PDIK1L: variants seen among roughly 807,000 people sequenced by gnomAD.
PDIK1L encodes serine/threonine-protein kinase PDIK1L.
In PDIK1L, 9 loss-of-function variants were observed where a neutral mutation model predicts 27.1. That is an observed-to-expected ratio of 0.33 (90% confidence interval 0.20 to 0.58). The LOEUF is 0.58. Ranked by LOEUF, PDIK1L falls within the 20% of genes least tolerant of loss-of-function variation. The pLI is 0.86. For synonymous variants in PDIK1L, 130 were observed against 141.7 expected (o/e 0.92, Z 0.59); for missense variants, 216 against 413.2 (o/e 0.52, Z 4.14).
chr1:26,114,266 A>T lies in PDIK1L; in HGVS notation c.-17-26A>T. The T allele has an allele frequency of 6.3e-7, 1 of 1,576,230 alleles. No individual in the cohort carries two copies. The highest frequency in any genetic ancestry group is 8.6e-7 in the Non-Finnish European group (1 of 1,157,474). On this transcript the variant is annotated intron_variant, in intron 1 of 2. Coordinates refer to ENST00000374269, the MANE Select transcript of PDIK1L (RefSeq NM_152835.5). The surrounding 1 kb of genome is among the most constrained non-coding windows in gnomAD (Gnocchi z 4.8). Reference sequence around the variant, plus strand: ...AAGCCAGTAGGTATACATAATTTCAACAGAGCACTTTGTTGATTTTTCCAG... The same window carrying T: ...AAGCCAGTAGGTATACATAATTTCATCAGAGCACTTTGTTGATTTTTCCAG...
rs1191290294 is a variant in PDIK1L at position 26,114,958 on chromosome 1, TAGC to T, written c.285+367_285+369del. On this transcript the variant is annotated intron_variant, in intron 2 of 2. Coordinates refer to ENST00000374269, the MANE Select transcript of PDIK1L (RefSeq NM_152835.5). This position sits in a 1 kb window ranked among gnomAD's most constrained non-coding sequence, Gnocchi z 4.8. ...AGAAAAGGAAAAATTCCACAACCAG[TAGC>T]AACACCCCTAGGTAATTGGGCATCT... Among the ~76,000 whole-genome samples, 3 of 152,196 alleles carry T rather than the reference TAGC, an allele frequency of 2.0e-5. No homozygotes were observed. The highest frequency in any genetic ancestry group is 4.4e-5 in the Non-Finnish European group (3 of 68,030).
intron 2 of PDIK1L, among the ~76,000 whole-genome samples, chr1:26,120,175 AAAAG>A (rs914043971): frequency 9.2e-5 from 14 of 152,308 alleles, no homozygotes; most frequent in African/African-American, 3.4e-4. Flanking sequence ...CTGGGGGTAA[AAAAG>A]AAAGGAAGAA....
In PDIK1L at chr1:26,122,794, A is replaced by T. The variant is rs1216300720; in HGVS notation, c.*217A>T. 1.5e-5 allele frequency: 6 copies of T among 411,414 alleles called. No homozygotes were observed. The highest frequency in any genetic ancestry group is 7.3e-5 in the South Asian group (1 of 13,720). The allele number at this position is 411,414 out of a possible 1,614,324, so 25.5% of individuals were successfully genotyped here. A position where few individuals can be genotyped will look rare whatever the true frequency, so the allele number is the denominator to read the frequency against. On this transcript the variant is annotated 3_prime_UTR_variant, in exon 3 of 3. Transcript: ENST00000374269. This position sits in a 1 kb window ranked among gnomAD's most constrained non-coding sequence, Gnocchi z 5.4. Reference sequence around the variant, plus strand: ...ATTACCAATGTGGGTGTAAATTTTTAAAAAATGATTATTGATAGAAGTTTG... The same window carrying T: ...ATTACCAATGTGGGTGTAAATTTTTTAAAAATGATTATTGATAGAAGTTTG...
At position 26,123,768 on chromosome 1, in the gene PDIK1L, A is replaced by AAT. The variant is rs1360185042; in HGVS notation, c.*1194_*1195dup. The AAT allele has an allele frequency of 6.6e-6, 1 of 152,662 alleles. No individual in the cohort carries two copies. Among genetic ancestry groups the AAT allele is most frequent in the Non-Finnish European group, 1.5e-5 (1 of 68,032 alleles). 9.5% of individuals were successfully genotyped at this position (152,662 alleles called of 1,614,324 possible). The stretch of plus-strand genomic sequence containing the variant: ...CATACACAGTATGGCAAATGGATAA[A>AAT]ATATTGTGGCATCAACTACTTTTAA... On this transcript the variant is annotated 3_prime_UTR_variant, in exon 3 of 3. Coordinates refer to ENST00000374269, the MANE Select transcript of PDIK1L (RefSeq NM_152835.5).
Position 26,114,521 on chromosome 1 carries a change from G to A in PDIK1L, c.213G>A (p.Glu71=), listed in dbSNP as rs142972102. 2.9e-5 allele frequency: 47 copies of A among 1,614,036 alleles called. No individual in the cohort carries two copies. Among genetic ancestry groups the A allele is most frequent in the Non-Finnish European group, 4.0e-5 (47 of 1,180,020 alleles). ...KSQHPNVIHL[E]ECILQKDGMV... Reference sequence around the variant, plus strand: ...AACATCCAAATGTGATTCACTTGGAGGAATGCATCCTACAAAAGGATGGGA... The same window carrying A: ...AACATCCAAATGTGATTCACTTGGAAGAATGCATCCTACAAAAGGATGGGA... Residue 71 remains glutamate (E), a synonymous_variant, in exon 2 of 3, where the codon GAG becomes GAA. Coordinates refer to ENST00000374269, the MANE Select transcript of PDIK1L (RefSeq NM_152835.5). This position sits in a 1 kb window ranked among gnomAD's most constrained non-coding sequence, Gnocchi z 4.8.
chr1:26,120,132 T>C (rs1569815317), intron 2 of PDIK1L, among the ~76,000 whole-genome samples: 1 of 152,202 alleles, frequency 6.6e-6, no homozygotes, highest in African/African-American at 2.4e-5. Context: ...GTTTCGATGC[T>C]AAAAATAGTT....
chr1:26,113,106 G>A (rs550002356), intron 1 of PDIK1L, among the ~76,000 whole-genome samples: 2 of 152,320 alleles, frequency 1.3e-5, no homozygotes, highest in South Asian at 2.1e-4. Flanking sequence ...TAGGAAAAAG[G>A]AAACATAAAA....
intron 2 of PDIK1L, among the ~76,000 whole-genome samples, chr1:26,117,140 T>C (rs1304933673): frequency 6.7e-5 from 10 of 148,678 alleles, no homozygotes; most frequent in African/African-American, 2.2e-4. Context: ...CAAGTGATTC[T>C]CCTGGCTCAA....
In PDIK1L at chr1:26,125,018, T is replaced by TTC. The variant is rs2088054417; in HGVS notation, c.*2441_*2442insTC. 1 of 152,530 alleles carries TTC rather than the reference T, an allele frequency of 6.6e-6. No homozygotes were observed. Among genetic ancestry groups the TTC allele is most frequent in the Admixed American group, 6.6e-5 (1 of 15,264 alleles). The allele number at this position is 152,530 out of a possible 1,614,324, so 9.4% of individuals were successfully genotyped here. A position where few individuals can be genotyped will look rare whatever the true frequency, so the allele number is the denominator to read the frequency against. On this transcript the variant is annotated 3_prime_UTR_variant, in exon 3 of 3. Coordinates refer to ENST00000374269, the MANE Select transcript of PDIK1L (RefSeq NM_152835.5). ...CAATAAGCAATTGTTCCTCATAGAG[T>TTC]CTTTTGCCATGATTTATGGTGTTTT...
rs1477487997 is a variant in PDIK1L at position 26,123,276 on chromosome 1, C to CT, written c.*700dup. ...ACAAATGAAATTAAGTGATCCAAAG[C>CT]TGCTGAAGTATGTTTGAACTCTCCA... is the stretch of plus-strand genomic sequence containing the variant. On this transcript the variant is annotated 3_prime_UTR_variant, in exon 3 of 3. Transcript: ENST00000374269. 1 of 150,774 alleles carries CT rather than the reference C, an allele frequency of 6.6e-6. No homozygotes were observed. Among genetic ancestry groups the CT allele is most frequent in the Non-Finnish European group, 1.5e-5 (1 of 67,890 alleles). The allele number at this position is 150,774 out of a possible 1,614,324, so 9.3% of individuals were successfully genotyped here.
intron 2 of PDIK1L, among the ~76,000 whole-genome samples, chr1:26,115,246 T>C (rs1001343900): frequency 6.6e-6 from 1 of 152,246 alleles, no homozygotes; most frequent in Non-Finnish European, 1.5e-5. Context: ...CTGAGGCTTA[T>C]AGTATAGATA....
upstream of PDIK1L, among the ~76,000 whole-genome samples, chr1:26,111,676 A>G (rs757285734): frequency 2.0e-4 from 30 of 150,580 alleles, no homozygotes; most frequent in Non-Finnish European, 4.1e-4. This position sits in a 1 kb window ranked among gnomAD's most constrained non-coding sequence, Gnocchi z 4.0. Context: ...AATCCTCGAG[A>G]GAGGGAGGAG....
At chr1:26,117,010 C>T (rs2087888031) in intron 2 of PDIK1L, among the ~76,000 whole-genome samples, 1 of 146,738 alleles carries the variant, frequency 6.8e-6, no homozygotes, top group Admixed American at 6.9e-5. Context: ...GCCACTGCGC[C>T]CAACCTTTTT....
intron 1 of PDIK1L, among the ~76,000 whole-genome samples, chr1:26,113,659 A>G (rs955660342): frequency 1.3e-5 from 2 of 152,322 alleles, no homozygotes; most frequent in South Asian, 4.1e-4. Flanking sequence ...TTTCAGTTCT[A>G]TAAATGATTT....
chr1:26,121,046 A>G (rs1010131355), intron 2 of PDIK1L, among the ~76,000 whole-genome samples: 3 of 152,106 alleles, frequency 2.0e-5, no homozygotes, highest in Non-Finnish European at 4.4e-5. Flanking sequence ...AAGGAGCGTT[A>G]TAACTAGATA....
intron 1 of PDIK1L, among the ~76,000 whole-genome samples, chr1:26,112,833 C>T (rs1214244591): frequency 6.6e-6 from 1 of 152,188 alleles, no homozygotes; most frequent in Non-Finnish European, 1.5e-5. Flanking sequence ...TTTTCTAGCC[C>T]GTGGTCACAA....
chr1:26,124,475 T>A lies in PDIK1L; in HGVS notation c.*1898T>A, dbSNP rs995361197. 4 of 152,316 alleles carry A rather than the reference T, an allele frequency of 2.6e-5. No homozygotes were observed. The highest frequency in any genetic ancestry group is 9.6e-5 in the African/African-American group (4 of 41,574). The allele number at this position is 152,316 out of a possible 1,614,324, so 9.4% of individuals were successfully genotyped here. On this transcript the variant is annotated 3_prime_UTR_variant, in exon 3 of 3. Coordinates refer to ENST00000374269, the MANE Select transcript of PDIK1L (RefSeq NM_152835.5). ...TAGGGAGTAAGAAAAAGCATCATGA[T>A]AACGTCTAGTCAATAACATGGCACT...
rs1478490477 is a variant in PDIK1L, at chr1:26,123,590, A to G, written c.*1013A>G. 6.6e-6 allele frequency: 1 copy of G among 152,616 alleles called. No individual in the cohort carries two copies. Among genetic ancestry groups the G allele is most frequent in the Non-Finnish European group, 1.5e-5 (1 of 68,044 alleles). The allele number at this position is 152,616 out of a possible 1,614,324, so 9.5% of individuals were successfully genotyped here. ...AAGAAACCAAATGAGCTCCACCCTC[A>G]CTTTGCCTGCCCTGATATGATCACT... On this transcript the variant is annotated 3_prime_UTR_variant, in exon 3 of 3. Transcript: ENST00000374269.
intron 1 of PDIK1L, among the ~76,000 whole-genome samples, chr1:26,113,980 G>T (rs765489960): frequency 6.6e-6 from 1 of 152,114 alleles, no homozygotes; most frequent in Non-Finnish European, 1.5e-5. Context: ...TTGACCTTAG[G>T]CGTTTCATTT....
Sources: gnomAD v4.1 joint callset for allele counts (sites outside exome capture counted in the v4.1 genomes callset) on GRCh38, gnomAD v4.1.1 for gene constraint, Gnocchi (gnomAD v3.1) non-coding constraint, MANE v1.5 for transcripts, NCBI Gene and HGNC (gene_info 2026-07-23, HGNC 2026-07-21) for gene names.